MPZL1: variants seen among roughly 807,000 people sequenced by gnomAD.
The protein encoded by MPZL1 is myelin protein zero like 1, also known as myelin protein zero-like protein 1.
In MPZL1, 16 loss-of-function variants were observed where a neutral mutation model predicts 29.3. The ratio of observed to expected loss-of-function variants is 0.55; its 90% CI spans 0.37 to 0.83. The LOEUF is 0.83. MPZL1 is among the 40% of genes least tolerant of loss of function. The probability of loss-of-function intolerance (pLI) is 0.00; values close to 1 mark genes in which losing one functional copy is unlikely to be tolerated. For synonymous variants in MPZL1, 143 were observed against 132.0 expected (o/e 1.08, Z -0.57); for missense variants, 279 against 332.9 (o/e 0.84, Z 1.26).
At chr1:167,749,262 A>G (rs4145462) in intron 1 of MPZL1, among the ~76,000 whole-genome samples, 150,108 of 152,342 alleles carry the variant, frequency 0.99, 73,959 homozygotes, top group East Asian at 1. Flanking sequence ...TTGTTGTACC[A>G]TCTAAGCTAC....
intron 5 of MPZL1, among the ~76,000 whole-genome samples, chr1:167,786,551 G>T (rs1661596530): frequency 6.6e-6 from 1 of 152,210 alleles, no homozygotes; most frequent in African/African-American, 2.4e-5. Flanking sequence ...TCAGACTGCA[G>T]ATCTGCCAAC....
intron 1 of MPZL1, among the ~76,000 whole-genome samples, chr1:167,761,445 A>G (rs1211489734): frequency 6.6e-6 from 1 of 152,178 alleles, no homozygotes; most frequent in Non-Finnish European, 1.5e-5. Flanking sequence ...CACTTTCTAC[A>G]TAGGAGTGCA....
Position 167,746,586 on chromosome 1 carries a change from G to A in MPZL1, c.92-18997G>A, listed in dbSNP as rs868656623. On this transcript the variant is annotated intron_variant, in intron 1 of 5. Transcript: ENST00000359523. ...GATGGAAGGGAGAACTTTACCAAGGGGGTGCTATTTCCTTCTGCTCTGTTG... is the reference window on the plus strand; with the variant it reads ...GATGGAAGGGAGAACTTTACCAAGGAGGTGCTATTTCCTTCTGCTCTGTTG... Among the ~76,000 whole-genome samples, 6 of 152,322 alleles carry A rather than the reference G, an allele frequency of 3.9e-5. No homozygotes were observed. The South Asian group carries it at 6.2e-4, about 16-fold the overall frequency.
chr1:167,737,168 T>TA (rs1660394534), intron 1 of MPZL1, among the ~76,000 whole-genome samples: 1 of 152,226 alleles, frequency 6.6e-6, no homozygotes, highest in Non-Finnish European at 1.5e-5. Context: ...CTGTGTGTCT[T>TA]ATATACTTTG....
chr1:167,724,384 A>T (rs1025478463), intron 1 of MPZL1, among the ~76,000 whole-genome samples: 5 of 152,188 alleles, frequency 3.3e-5, no homozygotes, highest in Admixed American at 2.0e-4. Flanking sequence ...GTCTATTGAG[A>T]TGTGAAGGAT....
At chr1:167,746,377 G>T (rs144433055) in intron 1 of MPZL1, among the ~76,000 whole-genome samples, 1 of 151,060 alleles carries the variant, frequency 6.6e-6, no homozygotes. Context: ...TGTGCCGTGC[G>T]AGGGAGTTGA....
chr1:167,746,428 C>G (rs892865323), intron 1 of MPZL1, among the ~76,000 whole-genome samples: 4 of 152,076 alleles, frequency 2.6e-5, no homozygotes, highest in Non-Finnish European at 5.9e-5. Context: ...AAGCAGCTCT[C>G]CCTCCCTGTT....
At chr1:167,779,474 A>G (rs1406369040) in intron 5 of MPZL1, among the ~76,000 whole-genome samples, 1 of 152,088 alleles carries the variant, frequency 6.6e-6, no homozygotes, top group Non-Finnish European at 1.5e-5. Flanking sequence ...AATCCCAGCT[A>G]CTTGGGAGGC....
rs1661722434 is a variant in MPZL1 at position 167,791,847 on chromosome 1, C to T, written c.*3926C>T. 1 of 152,118 alleles carries T rather than the reference C, an allele frequency of 6.6e-6. No individual in the cohort carries two copies. The highest frequency in any genetic ancestry group is 1.5e-5 in the Non-Finnish European group (1 of 68,022). 9.4% of individuals were successfully genotyped at this position (152,118 alleles called of 1,614,324 possible). On this transcript the variant is annotated 3_prime_UTR_variant, in exon 6 of 6. Transcript: ENST00000359523. ...AGAGCTTTAACCTCAGTCTGGAAGA[C>T]AATGTGGTGACTTAATTTGTTGAGA...
At chr1:167,727,143 C>G (rs1660164423) in intron 1 of MPZL1, among the ~76,000 whole-genome samples, 1 of 152,198 alleles carries the variant, frequency 6.6e-6, no homozygotes. Context: ...GTCTTTCCCA[C>G]TGAGTTTTAA....
At chr1:167,787,746 A>G (rs1194300432) in intron 5 of MPZL1, 74 bp from the exon 6 acceptor site, 28 of 1,109,992 alleles carry the variant, frequency 2.5e-5, no homozygotes, top group Admixed American at 3.6e-5. Context: ...CACGTTAATC[A>G]TTGCTTCTAT....
intron 5 of MPZL1, among the ~76,000 whole-genome samples, chr1:167,777,599 C>T (rs1172232282): frequency 1.3e-5 from 2 of 152,164 alleles, no homozygotes; most frequent in Non-Finnish European, 2.9e-5. Context: ...AGGATGAGCA[C>T]GAGCACTTCA....
intron 1 of MPZL1, among the ~76,000 whole-genome samples, chr1:167,732,680 G>A (rs748684765): frequency 6.6e-6 from 1 of 152,024 alleles, no homozygotes; most frequent in Non-Finnish European, 1.5e-5. Context: ...GCAATGGTGC[G>A]ACCTCAGCTC....
At chr1:167,787,227 G>A (rs1262667893) in intron 5 of MPZL1, 1 of 152,098 alleles carries the variant, frequency 6.6e-6, no homozygotes, top group African/African-American at 2.4e-5. Context: ...AGCAATATTT[G>A]TATTGGTCAC....
chr1:167,773,501 C>G, intron 4 of MPZL1, 133 bp downstream of exon 4: 1 of 1,082,184 alleles, frequency 9.2e-7, no homozygotes, highest in South Asian at 1.8e-5. Flanking sequence ...CAGGCAGTCT[C>G]CTTAGGAGGT....
chr1:167,755,201 T>G (rs1419522164), intron 1 of MPZL1, among the ~76,000 whole-genome samples: 3 of 152,210 alleles, frequency 2.0e-5, no homozygotes, highest in Non-Finnish European at 2.9e-5. Flanking sequence ...AATTTTTTGC[T>G]GTATTTTGGA....
intron 1 of MPZL1, among the ~76,000 whole-genome samples, chr1:167,730,594 G>A (rs58793649): frequency 6.6e-6 from 1 of 152,028 alleles, no homozygotes; most frequent in African/African-American, 2.4e-5. Context: ...GTTCTTGTAG[G>A]TTCTTCTCAC....
At chr1:167,767,854 A>ATTTTG (rs61669633) in intron 2 of MPZL1, among the ~76,000 whole-genome samples, 1,601 of 117,094 alleles carry the variant, frequency 0.014, 14 homozygotes, top group Middle Eastern at 0.039. Context: ...TTTTGTAATC[A>ATTTTG]TTTTGTTTTG....
At chr1:167,771,592 A>T (rs1661249498) in intron 2 of MPZL1, among the ~76,000 whole-genome samples, 1 of 151,952 alleles carries the variant, frequency 6.6e-6, no homozygotes, top group Admixed American at 6.6e-5. Flanking sequence ...GGCGCTCCTC[A>T]CTTCCCAGAC....
Sources: allele counts gnomAD v4.1 joint callset (sites outside exome capture counted in the v4.1 genomes callset), GRCh38; gene constraint gnomAD v4.1.1; transcripts MANE v1.5; gene names NCBI Gene and HGNC (gene_info 2026-07-23, HGNC 2026-07-21).